Variants in SUMF1 observed in about 807,000 individuals in gnomAD.
SUMF1 encodes sulfatase modifying factor 1.
SUMF1 carries 48 observed loss-of-function variants against 47.6 expected under a neutral mutation model. The observed-to-expected ratio is 1.01, with a 90% CI of 0.80 to 1.28. The LOEUF is 1.28. Ranked by LOEUF, SUMF1 falls within the 50% of genes most tolerant of loss-of-function variation. SUMF1 has a pLI of 0.00. For missense variants in SUMF1, 571 were observed against 485.4 expected, an observed-to-expected ratio of 1.18 and a Z score of -1.66; for synonymous variants, 230 against 192.1, an observed-to-expected ratio of 1.20 and a Z score of -1.63.
Position 4,039,105 on chromosome 3 carries a change from TAC to T in SUMF1, c.1191+29462_1191+29463del, listed in dbSNP as rs142284854. On this transcript the variant is annotated intron_variant and NMD_transcript_variant, in intron 9 of 12. Coordinates refer to the SUMF1 transcript ENST00000448413. Reference sequence around the variant, plus strand: ...TTTTATAGTTCAAGTAGAAAAAAATTACAGAGAATTGAAATACAGAAAATACA... The same window carrying T: ...TTTTATAGTTCAAGTAGAAAAAAATTAGAGAATTGAAATACAGAAAATACA... Among the ~76,000 whole-genome samples, 279 of 151,400 alleles carry T rather than the reference TAC, an allele frequency of 1.8e-3. 5 individuals are homozygous for T. The East Asian group carries it at 0.038, about 21-fold the overall frequency.
intron 8 of SUMF1, among the ~76,000 whole-genome samples, chr3:4,294,601 C>G (rs1262889422): frequency 3.3e-5 from 5 of 152,158 alleles, no homozygotes. Context: ...TCAACAACAA[C>G]AACAACAAAT....
chr3:4,138,567 A>T (rs1388568073), intron 8 of SUMF1, among the ~76,000 whole-genome samples: 1 of 152,070 alleles, frequency 6.6e-6, no homozygotes, highest in East Asian at 1.9e-4. Flanking sequence ...CTGAAAACCA[A>T]AGCTCAGTGA....
At chr3:4,380,370 T>A (rs980490472) in intron 7 of SUMF1, among the ~76,000 whole-genome samples, 8 of 152,234 alleles carry the variant, frequency 5.3e-5, no homozygotes, top group African/African-American at 1.7e-4. Flanking sequence ...GAGCTAAACA[T>A]TGGATATACA....
chr3:4,127,042 G>A (rs1229677454), intron 8 of SUMF1, among the ~76,000 whole-genome samples: 2 of 152,154 alleles, frequency 1.3e-5, no homozygotes, highest in East Asian at 1.9e-4. Context: ...GAGGACAAAG[G>A]AGCCCATTTA....
At position 4,280,693 on chromosome 3, in the gene SUMF1, C is replaced by T. The variant is rs150650193; in HGVS notation, c.1014+95637G>A. Among the ~76,000 whole-genome samples, 555 of 152,268 alleles carry T rather than the reference C, an allele frequency of 3.6e-3. 3 individuals are homozygous for T. Among genetic ancestry groups the T allele is most frequent in the Non-Finnish European group, 4.5e-3 (309 of 68,012 alleles). ...AGGTTAGAAGTCCAACATCAAGGTGCGTGCTGGGCTCTGTTCCCTCTGAGG... is the reference window on the plus strand; with the variant it reads ...AGGTTAGAAGTCCAACATCAAGGTGTGTGCTGGGCTCTGTTCCCTCTGAGG... On this transcript the variant is annotated intron_variant and NMD_transcript_variant, in intron 8 of 12. Coordinates refer to the SUMF1 transcript ENST00000448413.
intron 8 of SUMF1, among the ~76,000 whole-genome samples, chr3:4,275,422 C>T (rs1697391264): frequency 6.6e-6 from 1 of 152,094 alleles, no homozygotes. Context: ...TAACATTCAA[C>T]AGGGCAATGT....
chr3:4,415,346 CAT>C (rs1398332329), intron 6 of SUMF1, among the ~76,000 whole-genome samples: 1 of 151,896 alleles, frequency 6.6e-6, no homozygotes, highest in African/African-American at 2.4e-5. Flanking sequence ...TTCAAATGAG[CAT>C]ATGATTATGC....
intron 8 of SUMF1, among the ~76,000 whole-genome samples, chr3:4,363,155 A>G (rs1220181386): frequency 6.6e-6 from 1 of 152,196 alleles, no homozygotes; most frequent in East Asian, 1.9e-4. Flanking sequence ...AAACCAAGTA[A>G]TAAGTGATAG....
At position 4,269,035 on chromosome 3, in the gene SUMF1, C is replaced by A. The variant is rs140467237; in HGVS notation, c.1014+107295G>T. The stretch of plus-strand genomic sequence containing the variant: ...GTTAATTTTTAAAGTAACTTTTTAA[C>A]CATACAGAAAGGGAAGTGAACATAC... On this transcript the variant is annotated intron_variant and NMD_transcript_variant, in intron 8 of 12. Coordinates refer to the SUMF1 transcript ENST00000448413. 4.8e-4 allele frequency among the ~76,000 whole-genome samples: 73 copies of A among 152,118 alleles called. No homozygotes were observed. In the East Asian group the frequency reaches 0.013, roughly 27 times the overall value.
At position 4,449,293 on chromosome 3, in the gene SUMF1, C is replaced by A; in HGVS notation, c.492G>T (p.Glu164Asp). 1 of 1,614,170 alleles carries A rather than the reference C, an allele frequency of 6.2e-7. No homozygotes were observed. The highest frequency in any genetic ancestry group is 8.5e-7 in the Non-Finnish European group (1 of 1,180,000). Reference sequence around the variant, plus strand: ...CCTGTTGAATATTGGTCTTCACTTGCTCACTCAACATGCCTTCAAAGACAA... The same window carrying A: ...CCTGTTGAATATTGGTCTTCACTTGATCACTCAACATGCCTTCAAAGACAA... ...DSFVFEGMLS[E>D]QVKTNIQQAV... The change falls in exon 3 of 9, where the codon GAG (glutamate) becomes GAT (aspartate). Residue 164 changes from glutamate (E) to aspartate (D), a missense_variant. Glu to Asp is a conservative substitution (Grantham distance 45, BLOSUM62 2). Transcript: ENST00000272902.
chr3:4,082,674 T>A (rs1692586332), intron 8 of SUMF1, among the ~76,000 whole-genome samples: 1 of 152,056 alleles, frequency 6.6e-6, no homozygotes, highest in East Asian at 1.9e-4. Flanking sequence ...AATAAACAAC[T>A]CAATTACCCA....
At chr3:4,252,223 C>T (rs2125011351) in intron 8 of SUMF1, among the ~76,000 whole-genome samples, 2 of 152,236 alleles carry the variant, frequency 1.3e-5, no homozygotes, top group South Asian at 2.1e-4. Context: ...TTAATGGTTG[C>T]CCCATGTCCT....
intron 8 of SUMF1, among the ~76,000 whole-genome samples, chr3:4,269,768 T>C (rs1001064049): frequency 2.0e-5 from 3 of 152,160 alleles, no homozygotes; most frequent in Non-Finnish European, 4.4e-5. Flanking sequence ...TCCATTCAAC[T>C]ACTAATGCAC....
At chr3:4,356,469 C>A (rs1699620438), downstream of SUMF1, among the ~76,000 whole-genome samples, 1 of 152,088 alleles carries the variant, frequency 6.6e-6, no homozygotes, top group South Asian at 2.1e-4. Flanking sequence ...TAAGGCATTT[C>A]TAGGCGAGAT....
intron 8 of SUMF1, among the ~76,000 whole-genome samples, chr3:4,085,165 T>C (rs1223349748): frequency 6.6e-6 from 1 of 152,146 alleles, no homozygotes; most frequent in Non-Finnish European, 1.5e-5. Flanking sequence ...TACTAAATTG[T>C]ATTTTAAATG....
At chr3:4,297,001 G>C (rs1022570406) in intron 8 of SUMF1, among the ~76,000 whole-genome samples, 1 of 152,036 alleles carries the variant, frequency 6.6e-6, no homozygotes, top group Non-Finnish European at 1.5e-5. Flanking sequence ...CTTGGAAGAC[G>C]GACTTTCCCC....
Position 4,361,955 on chromosome 3 carries a change from C to A in SUMF1, c.*189G>T. 1.7e-6 allele frequency: 1 copy of A among 602,340 alleles called. No individual in the cohort carries two copies. Among genetic ancestry groups the A allele is most frequent in the Non-Finnish European group, 3.0e-6 (1 of 334,720 alleles). The allele number at this position is 602,340 out of a possible 1,614,324, so 37.3% of individuals were successfully genotyped here. A position where few individuals can be genotyped will look rare whatever the true frequency, so the allele number is the denominator to read the frequency against. On this transcript the variant is annotated 3_prime_UTR_variant, in exon 9 of 9. Coordinates refer to ENST00000272902, the MANE Select transcript of SUMF1 (RefSeq NM_182760.4). ...TGATGATCTCCAAAGATGCACCACACCATAAAGCACATGCACTGACCCAGG... is the reference window on the plus strand; with the variant it reads ...TGATGATCTCCAAAGATGCACCACAACATAAAGCACATGCACTGACCCAGG...
At chr3:4,432,152 T>C (rs1348119031) in intron 3 of SUMF1, among the ~76,000 whole-genome samples, 1 of 151,834 alleles carries the variant, frequency 6.6e-6, no homozygotes, top group Non-Finnish European at 1.5e-5. Context: ...CACCTCTTAG[T>C]CTTTAGGTTC....
In SUMF1 at chr3:4,274,473, G is replaced by A. The variant is rs180786889; in HGVS notation, c.1014+101857C>T. Among the ~76,000 whole-genome samples the A allele has an allele frequency of 1.7e-3, 258 of 152,260 alleles. 1 individual carries two copies. The highest frequency in any genetic ancestry group is 6.1e-3 in the African/African-American group (252 of 41,562). On this transcript the variant is annotated intron_variant and NMD_transcript_variant, in intron 8 of 12. Coordinates refer to the SUMF1 transcript ENST00000448413. ...GACATTATTCTTATTTAATGAATAA[G>A]AAAGCAGAGGCTAAGAGGATTAAGC...
Sources: gnomAD v4.1 joint callset for allele counts (sites outside exome capture counted in the v4.1 genomes callset) on GRCh38, gnomAD v4.1.1 for gene constraint, MANE v1.5 for transcripts, NCBI Gene and HGNC (gene_info 2026-07-23, HGNC 2026-07-21) for gene names.